Variants in CEP112 observed in about 807,000 individuals in gnomAD.
CEP112 encodes centrosomal protein of 112 kDa.
Under a neutral mutation model 153.0 loss-of-function variants are expected in CEP112, and 127 were observed. The ratio of observed to expected loss-of-function variants is 0.83; its 90% CI spans 0.72 to 0.96. The LOEUF is 0.96. CEP112 is among the 40% of genes least tolerant of loss of function. The probability of loss-of-function intolerance (pLI) is 0.00; values close to 1 mark genes in which losing one functional copy is unlikely to be tolerated. For missense variants in CEP112, 1,089 were observed against 1,101.2 expected (o/e 0.99, Z 0.16); for synonymous variants, 358 against 374.4 (o/e 0.96, Z 0.51).
chr17:66,132,772 C>G lies in CEP112; in HGVS notation c.471-9G>C, dbSNP rs1300596533. 3 of 1,572,368 alleles carry G rather than the reference C, an allele frequency of 1.9e-6. No homozygotes were observed. Among genetic ancestry groups the G allele is most frequent in the African/African-American group, 1.3e-5 (1 of 74,222 alleles). ...CAGTGTACTGTTCCCTGCTAAGAGA[C>G]CAAAATAATCGCAATCACAATTTGG... On this transcript the variant is annotated splice_polypyrimidine_tract_variant and intron_variant, in intron 4 of 26. Coordinates refer to ENST00000535342, the MANE Select transcript of CEP112 (RefSeq NM_001199165.4).
chr17:65,653,148 A>G (rs1180931990), intron 24 of CEP112, among the ~76,000 whole-genome samples: 2 of 152,204 alleles, frequency 1.3e-5, no homozygotes, highest in Non-Finnish European at 1.5e-5. Context: ...GGGATTCAAC[A>G]TATGAATTTG....
At chr17:65,969,695 A>T (rs1322511636) in intron 17 of CEP112, among the ~76,000 whole-genome samples, 1 of 150,996 alleles carries the variant, frequency 6.6e-6, no homozygotes, top group Non-Finnish European at 1.5e-5. Context: ...TTGTATGCAT[A>T]TTACACGCAT....
At chr17:66,097,280 A>G (rs1010235588) in intron 6 of CEP112, among the ~76,000 whole-genome samples, 2 of 152,124 alleles carry the variant, frequency 1.3e-5, no homozygotes, top group Non-Finnish European at 2.9e-5. Context: ...CAACTTCTAC[A>G]CATGGTTAAC....
At chr17:66,159,593 C>A (rs770716566) in intron 4 of CEP112, among the ~76,000 whole-genome samples, 1 of 152,122 alleles carries the variant, frequency 6.6e-6, no homozygotes, top group African/African-American at 2.4e-5. Context: ...GAACCAATGA[C>A]AAAAACCACA....
At chr17:66,172,000 T>C (rs570770327) in intron 4 of CEP112, among the ~76,000 whole-genome samples, 1 of 152,246 alleles carries the variant, frequency 6.6e-6, no homozygotes, top group East Asian at 1.9e-4. Context: ...CTCAACGTTT[T>C]CTGAAATGTT....
At chr17:66,190,052 G>A (rs898602452) in intron 1 of CEP112, among the ~76,000 whole-genome samples, 2 of 151,396 alleles carry the variant, frequency 1.3e-5, no homozygotes, top group Non-Finnish European at 2.9e-5. Flanking sequence ...AAAATGGAAC[G>A]GGTGCAGTGG....
intron 4 of CEP112, among the ~76,000 whole-genome samples, chr17:66,159,292 T>C (rs2071590136): frequency 6.6e-6 from 1 of 152,188 alleles, no homozygotes; most frequent in Admixed American, 6.5e-5. Flanking sequence ...CTGTTACCAT[T>C]CCTTCTGAAA....
rs2057488196 is a variant in CEP112, at chr17:65,840,841, G to C, written c.2394+10963C>G. 2.0e-5 allele frequency among the ~76,000 whole-genome samples: 3 copies of C among 152,002 alleles called. No homozygotes were observed. In the South Asian group the frequency reaches 6.2e-4, roughly 31 times the overall value. On this transcript the variant is annotated intron_variant, in intron 21 of 26. Coordinates refer to ENST00000535342, the MANE Select transcript of CEP112 (RefSeq NM_001199165.4). ...TAATCCAATTTAAAAATTGGCAAAT[G>C]ATCTGAACAGACATTTTTCCAAAGA...
At chr17:66,088,513 C>T (rs1173364310) in intron 8 of CEP112, among the ~76,000 whole-genome samples, 1 of 151,448 alleles carries the variant, frequency 6.6e-6, no homozygotes, top group Non-Finnish European at 1.5e-5. Flanking sequence ...CAGACATACC[C>T]AATGTCAGGC....
chr17:65,730,472 G>A (rs2050438736), intron 23 of CEP112, among the ~76,000 whole-genome samples: 1 of 152,150 alleles, frequency 6.6e-6, no homozygotes, highest in Non-Finnish European at 1.5e-5. Flanking sequence ...CTTCTTAGGT[G>A]GGATGGAAAA....
intron 20 of CEP112, among the ~76,000 whole-genome samples, chr17:65,867,639 A>G (rs961250051): frequency 2.0e-5 from 3 of 152,094 alleles, no homozygotes; most frequent in Non-Finnish European, 2.9e-5. Flanking sequence ...GTTTTTAGCT[A>G]TTTACTTTAA....
chr17:66,039,469 G>T (rs1049088435), intron 12 of CEP112, among the ~76,000 whole-genome samples: 2 of 152,014 alleles, frequency 1.3e-5, no homozygotes, highest in African/African-American at 2.4e-5. Flanking sequence ...ATAAGAAGAA[G>T]AATTTATCCA....
intron 20 of CEP112, among the ~76,000 whole-genome samples, chr17:65,857,528 C>T (rs1486525381): frequency 1.3e-5 from 2 of 152,130 alleles, no homozygotes; most frequent in African/African-American, 4.8e-5. Flanking sequence ...GTGTAAGCCA[C>T]CACACCTGGT....
At chr17:66,015,816 C>G (rs970112724) in intron 16 of CEP112, among the ~76,000 whole-genome samples, 4 of 152,064 alleles carry the variant, frequency 2.6e-5, no homozygotes, top group African/African-American at 7.2e-5. Context: ...TTTCTCATAT[C>G]TTTAGTTATT....
chr17:66,002,709 G>C (rs1415203043), intron 17 of CEP112, among the ~76,000 whole-genome samples: 1 of 152,012 alleles, frequency 6.6e-6, no homozygotes, highest in Non-Finnish European at 1.5e-5. Context: ...CATGTATCAT[G>C]TTTTTATATG....
chr17:65,697,892 T>A (rs1658566712), intron 23 of CEP112, among the ~76,000 whole-genome samples: 1 of 152,186 alleles, frequency 6.6e-6, no homozygotes, highest in South Asian at 2.1e-4. Flanking sequence ...ATGCTGCAGA[T>A]CTAAAGCCAG....
At chr17:66,126,610 A>G (rs79213043) in intron 6 of CEP112, among the ~76,000 whole-genome samples, 1 of 152,164 alleles carries the variant, frequency 6.6e-6, no homozygotes, top group Admixed American at 6.5e-5. Context: ...AAGAAAAAAT[A>G]CAAGAGAAAA....
At chr17:65,979,313 T>C (rs2063146846) in intron 17 of CEP112, among the ~76,000 whole-genome samples, 1 of 152,120 alleles carries the variant, frequency 6.6e-6, no homozygotes, top group Non-Finnish European at 1.5e-5. Flanking sequence ...TGGCAATCAG[T>C]TCACTATAAC....
rs550656193 is a variant in CEP112 at position 65,758,284 on chromosome 17, G to A, written c.2395-7560C>T. On this transcript the variant is annotated intron_variant, in intron 21 of 26. Transcript: ENST00000535342. ...GGTTGTGCCCGTCCTCCTCCAGACA[G>A]TATTCAGTTCTCATCTGTTTTTCTA... 5.9e-5 allele frequency among the ~76,000 whole-genome samples: 9 copies of A among 152,208 alleles called. No individual in the cohort carries two copies. In the South Asian group the frequency reaches 1.9e-3, roughly 32 times the overall value.
Sources: gnomAD v4.1 joint callset for allele counts (sites outside exome capture counted in the v4.1 genomes callset) on GRCh38, gnomAD v4.1.1 for gene constraint, MANE v1.5 for transcripts, NCBI Gene and HGNC (gene_info 2026-07-23, HGNC 2026-07-21) for gene names.